The following CDKAL1 variants were observed in gnomAD, a reference collection of about 807,000 sequenced individuals.
CDKAL1 encodes the protein threonylcarbamoyladenosine tRNA methylthiotransferase.
CDKAL1 carries 32 observed loss-of-function variants against 68.2 expected under a neutral mutation model. The ratio of observed to expected loss-of-function variants is 0.47; its 90% CI spans 0.35 to 0.63. The LOEUF (loss-of-function observed/expected upper bound fraction) is 0.63, where lower values mean the gene tolerates loss of function less well. CDKAL1 is among the 30% of genes least tolerant of loss of function. The pLI, the probability that CDKAL1 is intolerant of heterozygous loss-of-function variation, is 0.00. For synonymous variants in CDKAL1, 234 were observed against 244.3 expected, an observed-to-expected ratio of 0.96 and a Z score of 0.39; for missense variants, 606 against 696.7, an observed-to-expected ratio of 0.87 and a Z score of 1.47.
chr6:20,911,804 A>C (rs1561878439), intron 9 of CDKAL1, among the ~76,000 whole-genome samples: 1 of 152,004 alleles, frequency 6.6e-6, no homozygotes, highest in Non-Finnish European at 1.5e-5. Context: ...ATTCCTTTGG[A>C]TTTTCACTGT....
intron 8 of CDKAL1, among the ~76,000 whole-genome samples, chr6:20,838,648 C>G (rs1296403451): frequency 6.6e-6 from 1 of 152,066 alleles, no homozygotes; most frequent in Non-Finnish European, 1.5e-5. Context: ...AGGGAGTAAG[C>G]TGCTAGCTAC....
intron 11 of CDKAL1, among the ~76,000 whole-genome samples, chr6:21,003,340 CTAAATA>C (rs1409399788): frequency 8.7e-5 from 2 of 22,908 alleles, no homozygotes; most frequent in East Asian, 1.3e-3. Context: ...ACCATCTCTA[CTAAATA>C]TATATATATA....
chr6:21,113,718 C>T (rs1439929893), intron 13 of CDKAL1, among the ~76,000 whole-genome samples: 2 of 151,434 alleles, frequency 1.3e-5, no homozygotes, highest in Non-Finnish European at 2.9e-5. Context: ...ATCCACCCGC[C>T]TCAGCCTCCC....
chr6:21,167,592 T>A (rs1777204538), intron 13 of CDKAL1, among the ~76,000 whole-genome samples: 1 of 152,172 alleles, frequency 6.6e-6, no homozygotes, highest in South Asian at 2.1e-4. Flanking sequence ...AGTCCAAGAT[T>A]CTCAGTATTC....
chr6:21,021,749 C>A (rs1312589430), intron 11 of CDKAL1, among the ~76,000 whole-genome samples: 1 of 152,076 alleles, frequency 6.6e-6, no homozygotes, highest in East Asian at 1.9e-4. Context: ...ATTTGTACAC[C>A]TTTCTTTATT....
intron 6 of CDKAL1, among the ~76,000 whole-genome samples, chr6:20,743,087 A>G (rs1773526108): frequency 6.6e-6 from 1 of 152,180 alleles, no homozygotes; most frequent in Non-Finnish European, 1.5e-5. Flanking sequence ...TTTTATACAA[A>G]GAGAAAACAG....
intron 13 of CDKAL1, among the ~76,000 whole-genome samples, chr6:21,186,530 T>A (rs1778021280): frequency 6.6e-6 from 1 of 152,240 alleles, no homozygotes; most frequent in South Asian, 2.1e-4. Flanking sequence ...GGCCTCTCCT[T>A]GGTTGCCTGA....
At chr6:21,053,760 A>T (rs972835734) in intron 11 of CDKAL1, among the ~76,000 whole-genome samples, 2 of 152,014 alleles carry the variant, frequency 1.3e-5, no homozygotes, top group Non-Finnish European at 2.9e-5. Flanking sequence ...AGCTATTCCT[A>T]TATCTTCTTC....
intron 9 of CDKAL1, among the ~76,000 whole-genome samples, chr6:20,917,997 G>A (rs1363555051): frequency 6.6e-6 from 1 of 152,216 alleles, no homozygotes; most frequent in East Asian, 1.9e-4. Flanking sequence ...TGTGGTCCTA[G>A]CTACTCAGGT....
At chr6:20,980,776 C>T (rs571191141) in intron 10 of CDKAL1, among the ~76,000 whole-genome samples, 11 of 152,190 alleles carry the variant, frequency 7.2e-5, no homozygotes, top group Middle Eastern at 3.4e-3. Flanking sequence ...AGAGGATACA[C>T]AACATCAAGC....
At position 20,910,295 on chromosome 6, in the gene CDKAL1, GGT is replaced by G. The variant is rs1228949605; in HGVS notation, c.743-45123_743-45122del. Among the ~76,000 whole-genome samples, 71 of 152,310 alleles carry G rather than the reference GGT, an allele frequency of 4.7e-4. 2 individuals carry two copies. The highest frequency in any genetic ancestry group is 7.6e-4 in the Non-Finnish European group (52 of 68,032). On this transcript the variant is annotated intron_variant, in intron 9 of 15. Transcript: ENST00000274695. Reference sequence around the variant, plus strand: ...AGGTAGTTCTTATGGGAGATGTTTAGGTAATGCTGCCTGACCTTGAGAGCTCA... The same window carrying G: ...AGGTAGTTCTTATGGGAGATGTTTAGAATGCTGCCTGACCTTGAGAGCTCA...
intron 10 of CDKAL1, among the ~76,000 whole-genome samples, chr6:20,966,442 G>A (rs936504445): frequency 1.3e-5 from 2 of 152,090 alleles, no homozygotes; most frequent in African/African-American, 2.4e-5. Context: ...CAGAACTATC[G>A]AATATTAAAT....
At chr6:20,983,094 C>A (rs539897966) in intron 10 of CDKAL1, among the ~76,000 whole-genome samples, 1 of 152,284 alleles carries the variant, frequency 6.6e-6, no homozygotes, top group African/African-American at 2.4e-5. Context: ...AATTAAAGAA[C>A]TGACATGTGA....
chr6:21,030,173 T>C (rs951444376), intron 11 of CDKAL1, among the ~76,000 whole-genome samples: 5 of 152,208 alleles, frequency 3.3e-5, no homozygotes, highest in Non-Finnish European at 7.3e-5. Flanking sequence ...ATCATGTTCT[T>C]TGCAGCGACA....
chr6:20,663,834 G>A (rs1769401926), intron 5 of CDKAL1, among the ~76,000 whole-genome samples: 1 of 151,994 alleles, frequency 6.6e-6, no homozygotes, highest in South Asian at 2.1e-4. Context: ...TTGGAAAACA[G>A]GTTGAAGGAC....
In CDKAL1 at chr6:20,874,002, G is replaced by T. The variant is rs138261847; in HGVS notation, c.742+27824G>T. Among the ~76,000 whole-genome samples, 219 of 152,228 alleles carry T rather than the reference G, an allele frequency of 1.4e-3. 3 individuals are homozygous for T. The East Asian group carries it at 0.019, about 13-fold the overall frequency. On this transcript the variant is annotated intron_variant, in intron 9 of 15. Coordinates refer to ENST00000274695, the MANE Select transcript of CDKAL1 (RefSeq NM_017774.3). ...TGCTTAAGGGTGGCAGTCCCAGATG[G>T]GGGAGCTGTGGGTTTAAAACAAGCA...
rs927141599 is a variant in CDKAL1, at chr6:21,021,710, A to AT, written c.1055+21344dup. On this transcript the variant is annotated intron_variant, in intron 11 of 15. Coordinates refer to ENST00000274695, the MANE Select transcript of CDKAL1 (RefSeq NM_017774.3). ...TTGTCAAAGTTGAAATTAAAGATAC[A>AT]TTTTTTCAAAACCAGAGTTTTCGTC... Among the ~76,000 whole-genome samples the AT allele has an allele frequency of 3.9e-5, 6 of 152,068 alleles. No individual in the cohort carries two copies. In the East Asian group the frequency reaches 5.8e-4, roughly 15 times the overall value.
intron 8 of CDKAL1, among the ~76,000 whole-genome samples, chr6:20,796,997 CA>C (rs762439284): frequency 1.4e-4 from 22 of 151,952 alleles, no homozygotes; most frequent in Non-Finnish European, 2.8e-4. Context: ...ACCTGATACC[CA>C]AAAGTATGAT....
intron 8 of CDKAL1, among the ~76,000 whole-genome samples, chr6:20,820,178 T>A (rs1777220164): frequency 6.6e-6 from 1 of 152,156 alleles, no homozygotes; most frequent in African/African-American, 2.4e-5. Context: ...TCACCCACAG[T>A]TCCTCCCACA....
Sources: allele counts gnomAD v4.1 joint callset (sites outside exome capture counted in the v4.1 genomes callset), GRCh38; gene constraint gnomAD v4.1.1; transcripts MANE v1.5; gene names NCBI Gene and HGNC (gene_info 2026-07-23, HGNC 2026-07-21).